The following SLC25A45 variants were observed in gnomAD, a reference collection of about 807,000 sequenced individuals.
The protein encoded by SLC25A45 is methylated amino-acid transporter SLC25A45.
SLC25A45 carries 22 observed loss-of-function variants against 23.0 expected under a neutral mutation model. The observed-to-expected ratio is 0.95, with a 90% CI of 0.68 to 1.36. SLC25A45 has a LOEUF of 1.36. SLC25A45 is among the 40% of genes most tolerant of loss of function. The pLI, the probability that SLC25A45 is intolerant of heterozygous loss-of-function variation, is 0.00. For missense variants in SLC25A45, 355 were observed against 383.5 expected (o/e 0.93, Z 0.62); for synonymous variants, 136 against 155.0 (o/e 0.88, Z 0.91).
At position 65,376,682 on chromosome 11, in the gene SLC25A45, C is replaced by T. The variant is rs1565569483; in HGVS notation, c.599-7G>A. 6.2e-7 allele frequency: 1 copy of T among 1,613,696 alleles called. No homozygotes were observed. The highest frequency in any genetic ancestry group is 2.2e-5 in the East Asian group (1 of 44,888). On this transcript the variant is annotated splice_polypyrimidine_tract_variant and splice_region_variant and intron_variant, in intron 6 of 6. Coordinates refer to ENST00000398802, the MANE Select transcript of SLC25A45 (RefSeq NM_182556.4). The stretch of plus-strand genomic sequence containing the variant: ...ACCAGCACCGTGGCTGAGCCTGGGG[C>T]AGAGAGAGCCCAGAGCAGGGGTCAG...
rs766562597 is a variant in SLC25A45, at chr11:65,375,858, C to T, written c.*549G>A. 41 of 155,916 alleles carry T rather than the reference C, an allele frequency of 2.6e-4. No individual in the cohort carries two copies. Among genetic ancestry groups the T allele is most frequent in the Non-Finnish European group, 5.4e-4 (38 of 70,412 alleles). 9.7% of individuals were successfully genotyped at this position (155,916 alleles called of 1,614,324 possible). On this transcript the variant is annotated 3_prime_UTR_variant, in exon 7 of 7. Coordinates refer to ENST00000398802, the MANE Select transcript of SLC25A45 (RefSeq NM_182556.4). The stretch of plus-strand genomic sequence containing the variant: ...CGGGCGGATCACAAAGTCAGGAGAT[C>T]AAGACCATCCTGGCTGACATGGTGA...
In SLC25A45 at chr11:65,377,051, A is replaced by C. The variant is rs751542928; in HGVS notation, c.365T>G (p.Leu122Arg). The change falls in exon 6 of 7, where the codon CTC becomes CGC. Residue 122 changes from leucine to arginine, a missense_variant. Transcript: ENST00000398802. The stretch of plus-strand genomic sequence containing the variant: ...CTGGTTTTGTAGCCGGACTTTGATG[A>C]GGTCAAAAGGAGCCAGACAGTAGGC... Reference protein sequence around the residue: ...LQAYCLAPFDLIKVRLQNQTE... With the variant: ...LQAYCLAPFDRIKVRLQNQTE... 1 of 1,613,898 alleles carries C rather than the reference A, an allele frequency of 6.2e-7. No homozygotes were observed. Among genetic ancestry groups the C allele is most frequent in the Non-Finnish European group, 8.5e-7 (1 of 1,179,876 alleles).
rs1238029383 is a variant in SLC25A45 at position 65,379,193 on chromosome 11, C to A, written c.339+183G>T. 1.8e-5 allele frequency: 12 copies of A among 667,800 alleles called. No homozygotes were observed. In the Admixed American group the frequency reaches 2.1e-4, roughly 12 times the overall value. 41.4% of individuals were successfully genotyped at this position (667,800 alleles called of 1,614,324 possible). A position where few individuals can be genotyped will look rare whatever the true frequency, so the allele number is the denominator to read the frequency against. On this transcript the variant is annotated intron_variant, in intron 5 of 6. Coordinates refer to ENST00000398802, the MANE Select transcript of SLC25A45 (RefSeq NM_182556.4). ...CACCAGCTGTCTCTGCCTTTTGCCC[C>A]CTCTGTTCCCCACAGCCCTCCCCCA...
intron 2 of SLC25A45, chr11:65,380,609 C>A: frequency 7.7e-7 from 1 of 1,293,306 alleles, no homozygotes; most frequent in Non-Finnish European, 1.0e-6. Flanking sequence ...CTGCTGCCAG[C>A]TGGCCACGCA....
At chr11:65,379,996 C>T in intron 3 of SLC25A45, 58 bp from the exon 4 acceptor site, 1 of 1,604,902 alleles carries the variant, frequency 6.2e-7, no homozygotes, top group Non-Finnish European at 8.5e-7. Flanking sequence ...CCAACCTTTC[C>T]CTCTGCCCCC....
Position 65,376,515 on chromosome 11 carries a change from T to G in SLC25A45, c.759A>C (p.Glu253Asp). Residue 253 changes from glutamate to aspartate, a missense_variant, in exon 7 of 7, where the codon GAA (glutamate) becomes GAC (aspartate). By Grantham distance (45) the Glu-to-Asp change is conservative. Transcript: ENST00000398802. ...LDCMVSSIRQ[E>D]GLGVFFRGVT... The stretch of plus-strand genomic sequence containing the variant: ...CCCCCCGGAAGAAGACTCCCAGTCC[T>G]TCCTGCCGGATGCTGCTCACCATGC... 1 of 1,614,194 alleles carries G rather than the reference T, an allele frequency of 6.2e-7. No individual in the cohort carries two copies. The highest frequency in any genetic ancestry group is 1.1e-5 in the South Asian group (1 of 91,090).
At position 65,381,931 on chromosome 11, in the gene SLC25A45, C is replaced by T; in HGVS notation, c.21G>A (p.Val7=). 1.2e-6 allele frequency: 2 copies of T among 1,614,168 alleles called. No homozygotes were observed. The highest frequency in any genetic ancestry group is 1.7e-6 in the Non-Finnish European group (2 of 1,180,028). Residue 7 remains valine, a synonymous_variant, in exon 2 of 7, where the codon GTG becomes GTA. Coordinates refer to ENST00000398802, the MANE Select transcript of SLC25A45 (RefSeq NM_182556.4). The stretch of plus-strand genomic sequence containing the variant: ...ATGTCTCACCAGAGATCCAGCCAGC[C>T]ACAAATTCCTCCACCGGCATTGTCT... MPVEEF[V]AGWISGALGL... is the part of the protein sequence containing the mutation.
chr11:65,380,028 A>G, intron 3 of SLC25A45, 90 bp from the exon 4 acceptor site: 1 of 1,584,748 alleles, frequency 6.3e-7, no homozygotes. Context: ...GCCAACCAGC[A>G]GGAGAGGCAG....
At position 65,377,085 on chromosome 11, in the gene SLC25A45, G is replaced by A. The variant is rs779882219; in HGVS notation, c.340-9C>T. The A allele has an allele frequency of 1.2e-6, 2 of 1,610,358 alleles. No homozygotes were observed. The highest frequency in any genetic ancestry group is 1.7e-6 in the Non-Finnish European group (2 of 1,178,004). On this transcript the variant is annotated splice_polypyrimidine_tract_variant and intron_variant, in intron 5 of 6. Transcript: ENST00000398802. ...GGAGCCAGACAGTAGGCCTGTTGGT[G>A]ATGAAACATGAGGGCCCCGGGTGGG... is the stretch of plus-strand genomic sequence containing the variant.
Position 65,379,395 on chromosome 11 carries a change from C to G in SLC25A45, c.320G>C (p.Cys107Ser), listed in dbSNP as rs747040742. The G allele has an allele frequency of 1.2e-6, 2 of 1,610,880 alleles. No homozygotes were observed. Among genetic ancestry groups the G allele is most frequent in the Non-Finnish European group, 1.7e-6 (2 of 1,179,918 alleles). Residue 107 changes from cysteine (C) to serine (S), a missense_variant, in exon 5 of 7, where the codon TGC (cysteine) becomes TCC (serine). By Grantham distance (112) the Cys-to-Ser change is moderately radical. Transcript: ENST00000398802. ...CCTCACCTGCAGGAACCCCCCGGTG[C>G]AGCCCGCTAGGAAGATGTGCATGTA... is the stretch of plus-strand genomic sequence containing the variant. ...PSYMHIFLAGCTGGFLQAYCL... is the reference protein window; with the variant it reads ...PSYMHIFLAGSTGGFLQAYCL...
In SLC25A45 at chr11:65,377,193, C is replaced by T. The variant is rs924034991; in HGVS notation, c.340-117G>A. 4 of 1,455,660 alleles carry T rather than the reference C, an allele frequency of 2.7e-6. No individual in the cohort carries two copies. In the Admixed American group the frequency reaches 8.2e-5, roughly 30 times the overall value. The allele number at this position is 1,455,660 out of a possible 1,614,324, so 90.2% of individuals were successfully genotyped here. ...CCACATCTTCCAGTCCCTCAGGAACCCTGCCGGCACCCAGCCTCTCACGTG... is the reference window on the plus strand; with the variant it reads ...CCACATCTTCCAGTCCCTCAGGAACTCTGCCGGCACCCAGCCTCTCACGTG... On this transcript the variant is annotated intron_variant, in intron 5 of 6. Coordinates refer to ENST00000398802, the MANE Select transcript of SLC25A45 (RefSeq NM_182556.4).
chr11:65,379,673 G>A, intron 4 of SLC25A45, 112 bp from the exon 5 acceptor site: 1 of 1,296,772 alleles, frequency 7.7e-7, no homozygotes, highest in Non-Finnish European at 1.1e-6. Context: ...TCCTGCCACA[G>A]GGAAGTGGGG....
chr11:65,377,376 C>A (rs1855272714), intron 5 of SLC25A45: 2 of 1,246,466 alleles, frequency 1.6e-6, no homozygotes, highest in Non-Finnish European at 2.0e-6. Context: ...ATTCTTTTTG[C>A]AGGAGCAGGT....
In SLC25A45 at chr11:65,379,436, C is replaced by T. The variant is rs1239538804; in HGVS notation, c.279G>A (p.Arg93=). The T allele has an allele frequency of 6.2e-7, 1 of 1,613,756 alleles. No homozygotes were observed. The highest frequency in any genetic ancestry group is 8.5e-7 in the Non-Finnish European group (1 of 1,179,996). The change falls in exon 5 of 7, where the codon CGG becomes CGA. Residue 93 remains arginine, a synonymous_variant. Transcript: ENST00000398802. ...VLTATSHQER[R]AQPPSYMHIF... ...TGTGCATGTAGCTGGGCGGCTGGGC[C>T]CGCCGCTCCTGGTGGGAGGTGGCCG...
chr11:65,379,705 C>T (rs1855442828), intron 4 of SLC25A45, 144 bp from the exon 5 acceptor site: 2 of 1,244,478 alleles, frequency 1.6e-6, no homozygotes, highest in East Asian at 5.0e-5. Context: ...TGGGCTGAGG[C>T]TGCGCCTCTG....
chr11:65,377,378 G>A, intron 5 of SLC25A45: 1 of 1,240,580 alleles, frequency 8.1e-7, no homozygotes, highest in Non-Finnish European at 1.0e-6. Flanking sequence ...TCTTTTTGCA[G>A]GAGCAGGTTG....
At chr11:65,379,079 G>A (rs889819348) in intron 5 of SLC25A45, 126 of 410,230 alleles carry the variant, frequency 3.1e-4, no homozygotes, top group Admixed American at 7.2e-4. Flanking sequence ...ACAGCTCTGA[G>A]GCTGGCAGAC....
rs1480925189 is a variant in SLC25A45, at chr11:65,375,206, C to T, written c.*1201G>A. 1 of 152,258 alleles carries T rather than the reference C, an allele frequency of 6.6e-6. No homozygotes were observed. The highest frequency in any genetic ancestry group is 1.5e-5 in the Non-Finnish European group (1 of 68,076). 9.4% of individuals were successfully genotyped at this position (152,258 alleles called of 1,614,324 possible). A position where few individuals can be genotyped will look rare whatever the true frequency, so the allele number is the denominator to read the frequency against. On this transcript the variant is annotated 3_prime_UTR_variant, in exon 7 of 7. Coordinates refer to ENST00000398802, the MANE Select transcript of SLC25A45 (RefSeq NM_182556.4). Reference sequence around the variant, plus strand: ...GAGTGCAGTCGCATCATTTAACGAGCATTTATTGCACACGTCTGTTCAAGC... The same window carrying T: ...GAGTGCAGTCGCATCATTTAACGAGTATTTATTGCACACGTCTGTTCAAGC...
rs1161832436 is a variant in SLC25A45, at chr11:65,376,495, C to T, written c.779G>A (p.Arg260Gln). 9.9e-6 allele frequency: 16 copies of T among 1,614,064 alleles called. No homozygotes were observed. Among genetic ancestry groups the T allele is most frequent in the East Asian group, 4.5e-5 (2 of 44,904 alleles). Residue 260 changes from arginine to glutamine, a missense_variant, in exon 7 of 7, where the codon CGG becomes CAG. Arg to Gln is a conservative substitution (Grantham distance 43, BLOSUM62 1). Coordinates refer to ENST00000398802, the MANE Select transcript of SLC25A45 (RefSeq NM_182556.4). ...IRQEGLGVFF[R>Q]GVTINSARAF... The stretch of plus-strand genomic sequence containing the variant: ...GCGGGCACTGTTGATGGTGACCCCC[C>T]GGAAGAAGACTCCCAGTCCTTCCTG...
Sources: gnomAD v4.1 joint callset for allele counts on GRCh38, gnomAD v4.1.1 for gene constraint, MANE v1.5 for transcripts, NCBI Gene and HGNC (gene_info 2026-07-23, HGNC 2026-07-21) for gene names.